DNHD1: variants seen among roughly 807,000 people sequenced by gnomAD.
DNHD1 encodes the protein dynein heavy chain domain-containing protein 1.
A neutral mutation model predicts 458.1 loss-of-function variants in DNHD1; 383 were observed. The ratio of observed to expected loss-of-function variants is 0.84; its 90% CI spans 0.77 to 0.91. DNHD1 has a LOEUF of 0.91. Ranked by LOEUF, DNHD1 falls within the 40% of genes least tolerant of loss-of-function variation. DNHD1 has a pLI of 0.00. For synonymous variants in DNHD1, 2,203 were observed against 2,376.9 expected, an observed-to-expected ratio of 0.93 and a Z score of 2.13; for missense variants, 5,336 against 5,866.1, an observed-to-expected ratio of 0.91 and a Z score of 2.95.
intron 28 of DNHD1, 112 bp from the exon 29 acceptor site, chr11:6,562,870 T>G: frequency 8.0e-7 from 1 of 1,248,442 alleles, no homozygotes; most frequent in Non-Finnish European, 1.1e-6. Context: ...GAGTTCAACG[T>G]GGTCAGTCTT....
chr11:6,517,481 GATGA>G lies in DNHD1; in HGVS notation c.1393-2114_1393-2111del, dbSNP rs563262029. 8.8e-3 allele frequency among the ~76,000 whole-genome samples: 1,342 copies of G among 152,066 alleles called. 18 individuals are homozygous for G. The highest frequency in any genetic ancestry group is 0.03 in the African/African-American group (1,264 of 41,472). ...AGAAACATCGATGTGTCCATCAATG[GATGA>G]ATGATTAAAGAAATTGTGATATTAA... On this transcript the variant is annotated intron_variant, in intron 7 of 42. Transcript: ENST00000254579.
intron 12 of DNHD1, among the ~76,000 whole-genome samples, chr11:6,532,093 T>C (rs1007053864): frequency 2.0e-5 from 3 of 152,176 alleles, no homozygotes; most frequent in Non-Finnish European, 4.4e-5. Flanking sequence ...ATAATTAAAG[T>C]ACTTGAAATA....
chr11:6,560,428 G>T (rs34957911), intron 28 of DNHD1, among the ~76,000 whole-genome samples: 2 of 152,104 alleles, frequency 1.3e-5, no homozygotes, highest in Admixed American at 1.3e-4. Context: ...TCACCACCTA[G>T]GATGAACAGC....
In DNHD1 at chr11:6,533,806, G is replaced by A. The variant is rs747167700; in HGVS notation, c.2631G>A (p.Ser877=). The A allele has an allele frequency of 3.0e-5, 46 of 1,551,244 alleles. No homozygotes were observed. Among genetic ancestry groups the A allele is most frequent in the Non-Finnish European group, 3.6e-5 (41 of 1,146,938 alleles). The change falls in exon 14 of 43, where the codon TCG becomes TCA. Residue 877 remains serine, a synonymous_variant. Coordinates refer to ENST00000254579, the MANE Select transcript of DNHD1 (RefSeq NM_144666.3). ...CTGAGAATGAAGCACTGGACATCTCGGTGAGAAGGCAATTCGGGGAGTCAC... is the reference window on the plus strand; with the variant it reads ...CTGAGAATGAAGCACTGGACATCTCAGTGAGAAGGCAATTCGGGGAGTCAC... ...FSAENEALDI[S]VRRQFGESPI... is the part of the protein sequence containing the mutation.
rs758188913 is a variant in DNHD1, at chr11:6,558,473, C to T, written c.9003-12C>T. 1.3e-6 allele frequency: 2 copies of T among 1,551,490 alleles called. No individual in the cohort carries two copies. Among genetic ancestry groups the T allele is most frequent in the East Asian group, 2.4e-5 (1 of 40,926 alleles). On this transcript the variant is annotated splice_polypyrimidine_tract_variant and intron_variant, in intron 25 of 42. Transcript: ENST00000254579. Reference sequence around the variant, plus strand: ...GTAAAGGGGAGGACATTAGCTGAGCCCTGGCCCACAGGTTCCACCAGCAAG... The same window carrying T: ...GTAAAGGGGAGGACATTAGCTGAGCTCTGGCCCACAGGTTCCACCAGCAAG...
At chr11:6,550,999 A>T (rs746035099) in intron 24 of DNHD1, among the ~76,000 whole-genome samples, 7 of 152,230 alleles carry the variant, frequency 4.6e-5, no homozygotes, top group Non-Finnish European at 1.0e-4. Context: ...TAACACTAGC[A>T]ACACACTGAC....
Position 6,539,385 on chromosome 11 carries a change from G to C in DNHD1, c.3420+72G>C. Reference sequence around the variant, plus strand: ...CCTGTAATAAAGCCAGTCAAGGGTGGTGGGTGTTTGGCATGTGATTTAATG... The same window carrying C: ...CCTGTAATAAAGCCAGTCAAGGGTGCTGGGTGTTTGGCATGTGATTTAATG... On this transcript the variant is annotated intron_variant, in intron 17 of 42. Coordinates refer to ENST00000254579, the MANE Select transcript of DNHD1 (RefSeq NM_144666.3). The C allele has an allele frequency of 2.5e-6, 3 of 1,185,380 alleles. No homozygotes were observed. The South Asian group carries it at 3.9e-5, about 16-fold the overall frequency. 73.4% of individuals were successfully genotyped at this position (1,185,380 alleles called of 1,614,324 possible).
Position 6,570,589 on chromosome 11 carries a change from G to T in DNHD1, c.13106-29G>T, listed in dbSNP as rs368769768. On this transcript the variant is annotated intron_variant, in intron 41 of 42. Coordinates refer to ENST00000254579, the MANE Select transcript of DNHD1 (RefSeq NM_144666.3). The stretch of plus-strand genomic sequence containing the variant: ...GTCTAGGGTGGGGAGAGTCCATCTT[G>T]TCCCTCACCCCTCACCTCTATCCCC... 76 of 1,557,066 alleles carry T rather than the reference G, an allele frequency of 4.9e-5. 1 individual carries two copies. The highest frequency in any genetic ancestry group is 1.8e-5 in the Non-Finnish European group (21 of 1,150,338).
In DNHD1 at chr11:6,515,940, C is replaced by T. The variant is rs146409726; in HGVS notation, c.1393-3660C>T. On this transcript the variant is annotated intron_variant, in intron 7 of 42. Transcript: ENST00000254579. ...AACTGGGACTACAGACATGGGCCACCGTACCTGGCTAATGTTTGTATTTCT... is the reference window on the plus strand; with the variant it reads ...AACTGGGACTACAGACATGGGCCACTGTACCTGGCTAATGTTTGTATTTCT... Among the ~76,000 whole-genome samples the T allele has an allele frequency of 9.0e-3, 1,370 of 151,990 alleles. 19 individuals carry two copies. Among genetic ancestry groups the T allele is most frequent in the African/African-American group, 0.03 (1,261 of 41,420 alleles).
intron 12 of DNHD1, among the ~76,000 whole-genome samples, chr11:6,529,750 G>T (rs1028980608): frequency 4.6e-5 from 7 of 152,166 alleles, no homozygotes; most frequent in Non-Finnish European, 4.4e-5. Context: ...ATACATCCTT[G>T]CCTGGTCTCT....
chr11:6,525,915 A>G (rs1255138206), intron 10 of DNHD1, among the ~76,000 whole-genome samples: 2 of 152,068 alleles, frequency 1.3e-5, no homozygotes, highest in Non-Finnish European at 2.9e-5. Flanking sequence ...ATGTGTTGGT[A>G]TTGAACATTC....
rs1371760714 is a variant in DNHD1, at chr11:6,552,073, AT to A, written c.7387+3143del. On this transcript the variant is annotated intron_variant, in intron 24 of 42. Transcript: ENST00000254579. ...GCCTGGGCAGCATAGTGGGACCCTC[AT>A]TTAAAAAAAAAAGTTTTAAAAAATG... Among the ~76,000 whole-genome samples, 9 of 148,712 alleles carry A rather than the reference AT, an allele frequency of 6.1e-5. 2 individuals carry two copies. The South Asian group carries it at 2.0e-3, about 32-fold the overall frequency.
intron 29 of DNHD1, 124 bp downstream of exon 29, chr11:6,563,255 G>A (rs184807755): frequency 5.8e-4 from 879 of 1,513,692 alleles, no homozygotes; most frequent in Non-Finnish European, 7.3e-4. Flanking sequence ...AGGGGACAAA[G>A]GTAATAGGAT....
Position 6,546,236 on chromosome 11 carries a change from T to C in DNHD1, c.5297T>C (p.Leu1766Pro), listed in dbSNP as rs1002285375. ...GAACTGCACCACTTGTATGCCCCAC[T>C]GTACCAGGAGGCTTCCCGAAACACA... ...LGELHHLYAP[L>P]YQEASRNTST... The change falls in exon 21 of 43, where the codon CTG becomes CCG. Residue 1766 changes from leucine (L) to proline (P), a missense_variant. Leu to Pro is a moderately conservative substitution (Grantham distance 98). Around this residue, in one of 4 missense-constraint regions of DNHD1, gnomAD observed 3,932 missense variants for 4,365.6 expected, o/e 0.90. Coordinates refer to ENST00000254579, the MANE Select transcript of DNHD1 (RefSeq NM_144666.3). 2.6e-6 allele frequency: 4 copies of C among 1,552,004 alleles called. No homozygotes were observed. In the African/African-American group the frequency reaches 5.5e-5, roughly 21 times the overall value.
At position 6,546,546 on chromosome 11, in the gene DNHD1, C is replaced by T; in HGVS notation, c.5607C>T (p.Pro1869=). The T allele has an allele frequency of 1.3e-6, 2 of 1,551,500 alleles. No homozygotes were observed. Among genetic ancestry groups the T allele is most frequent in the South Asian group, 1.2e-5 (1 of 84,066 alleles). Residue 1869 remains proline, a synonymous_variant, in exon 21 of 43, where the codon CCC becomes CCT. Coordinates refer to ENST00000254579, the MANE Select transcript of DNHD1 (RefSeq NM_144666.3). ...FSLERELVSG[P]LPCRLPLLKQ... ...TAGAGCGTGAGCTGGTGTCTGGGCC[C>T]CTGCCCTGCCGCCTGCCACTGCTCA...
At chr11:6,526,932 A>G (rs762907240) in intron 10 of DNHD1, among the ~76,000 whole-genome samples, 1 of 152,162 alleles carries the variant, frequency 6.6e-6, no homozygotes, top group Non-Finnish European at 1.5e-5. Context: ...TCTTAGGTCC[A>G]TCTGTTGCTT....
At position 6,544,473 on chromosome 11, in the gene DNHD1, G is replaced by A. The variant is rs1326150802; in HGVS notation, c.3755-101G>A. 6.5e-6 allele frequency: 7 copies of A among 1,083,090 alleles called. No homozygotes were observed. The African/African-American group carries it at 9.5e-5, about 15-fold the overall frequency. The allele number at this position is 1,083,090 out of a possible 1,614,324, so 67.1% of individuals were successfully genotyped here. A position where few individuals can be genotyped will look rare whatever the true frequency, so the allele number is the denominator to read the frequency against. On this transcript the variant is annotated intron_variant, in intron 19 of 42. Transcript: ENST00000254579. ...TCCTGCTGGGCAGAGTATTTTGCTT[G>A]GGCTGGTGGGGTACCTGAGAGGTCA...
Position 6,558,181 on chromosome 11 carries a change from C to A in DNHD1, c.8886C>A (p.Thr2962=). 1 of 1,551,716 alleles carries A rather than the reference C, an allele frequency of 6.4e-7. No homozygotes were observed. The highest frequency in any genetic ancestry group is 1.2e-5 in the South Asian group (1 of 84,060). The change falls in exon 25 of 43, where the codon ACC becomes ACA. Residue 2962 remains threonine, a synonymous_variant. Transcript: ENST00000254579. ...TTCATCGCCTCCTGGCCCTGGCAACCTCAGGCAGTTTCCCTGGCCAGTACA... is the reference window on the plus strand; with the variant it reads ...TTCATCGCCTCCTGGCCCTGGCAACATCAGGCAGTTTCCCTGGCCAGTACA... ...TTLHRLLALA[T]SGSFPGQYTE...
rs777871627 is a variant in DNHD1, at chr11:6,544,933, C to A, written c.3994C>A (p.Gln1332Lys). 5.8e-6 allele frequency: 9 copies of A among 1,551,704 alleles called. No homozygotes were observed. The South Asian group carries it at 1.1e-4, about 18-fold the overall frequency. The change falls in exon 21 of 43, where the codon CAA (glutamine) becomes AAA (lysine). Residue 1332 changes from glutamine (Q) to lysine (K), a missense_variant. Coordinates refer to ENST00000254579, the MANE Select transcript of DNHD1 (RefSeq NM_144666.3). ...FQGQQLQQLL[Q>K]AGSVELEGII... ...AGGCCAGCAGCTGCAACAACTGCTG[C>A]AAGCAGGATCGGTGGAGCTGGAGGG...
Sources: allele counts gnomAD v4.1 joint callset (sites outside exome capture counted in the v4.1 genomes callset), GRCh38; gene constraint gnomAD v4.1.1; regional missense constraint gnomAD v4.1.1; transcripts MANE v1.5; gene names NCBI Gene and HGNC (gene_info 2026-07-23, HGNC 2026-07-21).